Variants in IBTK observed in about 807,000 individuals in gnomAD.
IBTK encodes BTK-binding protein.
IBTK carries 83 observed loss-of-function variants against 154.9 expected under a neutral mutation model. The ratio of observed to expected loss-of-function variants is 0.54; its 90% CI spans 0.45 to 0.64. IBTK has a LOEUF of 0.64. IBTK is among the 30% of genes least tolerant of loss of function. The pLI is 0.00. For missense variants in IBTK, 1,332 were observed against 1,584.6 expected, an observed-to-expected ratio of 0.84 and a Z score of 2.71; for synonymous variants, 515 against 536.1, an observed-to-expected ratio of 0.96 and a Z score of 0.54.
intron 25 of IBTK, among the ~76,000 whole-genome samples, chr6:82,185,379 G>C (rs1203959034): frequency 1.3e-5 from 2 of 150,624 alleles, no homozygotes; most frequent in African/African-American, 4.9e-5. Context: ...GGGATATACA[G>C]ACCCATCTCT....
chr6:82,171,519 T>C lies in IBTK; in HGVS notation c.3968A>G (p.Tyr1323Cys), dbSNP rs201175318. 11 of 1,611,304 alleles carry C rather than the reference T, an allele frequency of 6.8e-6. No homozygotes were observed. Among genetic ancestry groups the C allele is most frequent in the Non-Finnish European group, 8.5e-6 (10 of 1,178,278 alleles). The change falls in exon 29 of 29, where the codon TAT (tyrosine) becomes TGT (cysteine). Residue 1323 changes from tyrosine (Y) to cysteine (C), a missense_variant. By Grantham distance (194) the Tyr-to-Cys change is radical. Transcript: ENST00000306270. ...CTCTTCAGGGTTGCCAAATGCCTCA[T>C]AGAAAACCAATAAATCTTGTATGGC... ...EHAIQDLLVF[Y>C]EAFGNPEEFV... is the part of the protein sequence containing the mutation.
intron 22 of IBTK, 93 bp downstream of exon 22, chr6:82,196,205 T>C: frequency 9.1e-7 from 1 of 1,098,170 alleles, no homozygotes; most frequent in Non-Finnish European, 1.3e-6. Context: ...GGAAACTGTT[T>C]TAAAATTAGG....
At position 82,214,788 on chromosome 6, in the gene IBTK, T is replaced by C; in HGVS notation, c.1643A>G (p.Glu548Gly). The change falls in exon 12 of 29, where the codon GAA becomes GGA. Residue 548 changes from glutamate (E) to glycine (G), a missense_variant. Physicochemically the swap from Glu to Gly is moderately conservative, Grantham distance 98. Around this residue, in one of 3 missense-constraint regions of IBTK, gnomAD observed 1,134 missense variants for 1,274.7 expected, o/e 0.89. Transcript: ENST00000306270. ...IPAVSSSSFF[E>G]EFGKLLREAD... The stretch of plus-strand genomic sequence containing the variant: ...TTCCCTCAACAGTTTGCCAAACTCT[T>C]CAAAAAAGGATGATGAGGACACAGC... 2 of 1,606,610 alleles carry C rather than the reference T, an allele frequency of 1.2e-6. No homozygotes were observed. Among genetic ancestry groups the C allele is most frequent in the Non-Finnish European group, 1.7e-6 (2 of 1,177,354 alleles).
At chr6:82,197,713 G>A (rs1380941632) in intron 21 of IBTK, among the ~76,000 whole-genome samples, 1 of 152,098 alleles carries the variant, frequency 6.6e-6, no homozygotes, top group Non-Finnish European at 1.5e-5. Flanking sequence ...TCATCGAAGA[G>A]AATACATCTA....
chr6:82,245,976 A>G (rs922785704), intron 1 of IBTK, among the ~76,000 whole-genome samples: 2 of 152,236 alleles, frequency 1.3e-5, no homozygotes, highest in Non-Finnish European at 2.9e-5. Context: ...TTTGTTTTAT[A>G]CATTATACAC....
chr6:82,243,277 A>T (rs1582266400), intron 1 of IBTK, among the ~76,000 whole-genome samples: 1 of 152,146 alleles, frequency 6.6e-6, no homozygotes, highest in African/African-American at 2.4e-5. Flanking sequence ...CAAAGAGAAA[A>T]AAAGGTACCA....
chr6:82,242,974 G>T (rs1295848484), intron 1 of IBTK, among the ~76,000 whole-genome samples: 4 of 151,862 alleles, frequency 2.6e-5, no homozygotes, highest in Admixed American at 2.0e-4. Flanking sequence ...GGGCACGGTG[G>T]CTCATGCCTG....
In IBTK at chr6:82,231,732, T is replaced by A; in HGVS notation, c.529A>T (p.Ile177Phe). ...TTCAAAAATACCTGCTTGATATAAA[T>A]CCCACTCCTGGAGAACAGATCCACC... ...ELVDLFSRSG[I>F]YIKQVVLCKF... The change falls in exon 4 of 29, where the codon ATT (isoleucine) becomes TTT (phenylalanine). Residue 177 changes from isoleucine (I) to phenylalanine (F), a missense_variant. Ile to Phe is a conservative substitution (Grantham distance 21). This residue lies in a region of IBTK where 114 missense variants were observed against 213.7 expected (regional missense o/e 0.53). Coordinates refer to ENST00000306270, the MANE Select transcript of IBTK (RefSeq NM_015525.4). The A allele has an allele frequency of 6.2e-7, 1 of 1,604,140 alleles. No individual in the cohort carries two copies. The highest frequency in any genetic ancestry group is 1.3e-5 in the African/African-American group (1 of 74,736).
At position 82,170,410 on chromosome 6, in the gene IBTK, C is replaced by A. The variant is rs1311943096; in HGVS notation, c.*1015G>T. 1 of 152,286 alleles carries A rather than the reference C, an allele frequency of 6.6e-6. No individual in the cohort carries two copies. The highest frequency in any genetic ancestry group is 1.5e-5 in the Non-Finnish European group (1 of 68,024). The allele number at this position is 152,286 out of a possible 1,614,324, so 9.4% of individuals were successfully genotyped here. The stretch of plus-strand genomic sequence containing the variant: ...TACCTTCCAGAAACTAGAACATTAA[C>A]CTTTCCAATTTATCTAGGTACTGAA... On this transcript the variant is annotated 3_prime_UTR_variant, in exon 29 of 29. Transcript: ENST00000306270.
intron 25 of IBTK, among the ~76,000 whole-genome samples, chr6:82,190,244 A>G (rs951119069): frequency 6.6e-6 from 1 of 152,200 alleles, no homozygotes; most frequent in Non-Finnish European, 1.5e-5. Flanking sequence ...TAACATTTTA[A>G]TTGAGAAAAA....
At chr6:82,227,563 A>C (rs1770341693) in intron 4 of IBTK, among the ~76,000 whole-genome samples, 1 of 152,022 alleles carries the variant, frequency 6.6e-6, no homozygotes, top group African/African-American at 2.4e-5. Flanking sequence ...CACAGAAGAG[A>C]TTACCCAAAG....
chr6:82,177,848 C>T (rs1044173164), intron 26 of IBTK, among the ~76,000 whole-genome samples: 2 of 152,186 alleles, frequency 1.3e-5, no homozygotes, highest in African/African-American at 2.4e-5. Flanking sequence ...CAGCGCCTGG[C>T]CCTTGTATCG....
intron 28 of IBTK, 105 bp from the exon 29 acceptor site, chr6:82,171,661 A>C: frequency 1.1e-6 from 1 of 907,220 alleles, no homozygotes; most frequent in South Asian, 1.5e-5. Context: ...CTTTCCATGG[A>C]TACAATACAG....
At chr6:82,236,055 G>T (rs1770703598) in intron 2 of IBTK, among the ~76,000 whole-genome samples, 1 of 152,106 alleles carries the variant, frequency 6.6e-6, no homozygotes, top group South Asian at 2.1e-4. Flanking sequence ...TGTATTTTTA[G>T]TAGAGATGAG....
chr6:82,211,673 G>A (rs1002258148), intron 13 of IBTK, 101 bp from the exon 14 acceptor site: 1 of 853,568 alleles, frequency 1.2e-6, no homozygotes, highest in African/African-American at 1.7e-5. Context: ...CTTAAAGGTG[G>A]CAGAGAATAA....
chr6:82,192,101 T>C (rs16893980), intron 23 of IBTK, among the ~76,000 whole-genome samples: 1 of 152,068 alleles, frequency 6.6e-6, no homozygotes, highest in Admixed American at 6.6e-5. Flanking sequence ...TTAAGTGATA[T>C]AGCACATATA....
intron 23 of IBTK, among the ~76,000 whole-genome samples, chr6:82,192,780 G>A (rs552815195): frequency 6.8e-5 from 10 of 146,258 alleles, no homozygotes; most frequent in East Asian, 2.1e-4. Flanking sequence ...GATGATTTTC[G>A]ACCTAAATGA....
At chr6:82,202,175 T>C (rs1769234449) in intron 18 of IBTK, among the ~76,000 whole-genome samples, 1 of 152,152 alleles carries the variant, frequency 6.6e-6, no homozygotes, top group African/African-American at 2.4e-5. Flanking sequence ...AATATAAAAA[T>C]AAACTAAACA....
chr6:82,219,707 T>C (rs1296244394), intron 9 of IBTK, among the ~76,000 whole-genome samples: 9 of 151,682 alleles, frequency 5.9e-5, no homozygotes, highest in Non-Finnish European at 2.9e-5. Context: ...TGTACTGATA[T>C]GTTTGCATAA....
Sources: allele counts gnomAD v4.1 joint callset (sites outside exome capture counted in the v4.1 genomes callset), GRCh38; gene constraint gnomAD v4.1.1; regional missense constraint gnomAD v4.1.1; transcripts MANE v1.5; gene names NCBI Gene and HGNC (gene_info 2026-07-23, HGNC 2026-07-21).